The following TRIP12 variants were observed in gnomAD, a reference collection of about 807,000 sequenced individuals.
TRIP12 encodes the protein E3 ubiquitin-protein ligase TRIP12.
In TRIP12, 25 loss-of-function variants were observed where a neutral mutation model predicts 244.2. That is an observed-to-expected ratio of 0.10 (90% CI 0.07 to 0.14). The LOEUF (loss-of-function observed/expected upper bound fraction) is 0.14. Ranked by LOEUF, TRIP12 falls within the 10% of genes least tolerant of loss-of-function variation. TRIP12 has a pLI of 1.00. For missense variants in TRIP12, 1,677 were observed against 2,486.4 expected (o/e 0.67, Z 6.92); for synonymous variants, 905 against 873.1 (o/e 1.04, Z -0.64).
chr2:229,863,565 C>G (rs192828636), intron 2 of TRIP12, among the ~76,000 whole-genome samples: 1 of 152,086 alleles, frequency 6.6e-6, no homozygotes, highest in Non-Finnish European at 1.5e-5. Context: ...TCAGCCCATG[C>G]GCTATAGTTT....
chr2:229,779,051 A>T (rs899626353), intron 34 of TRIP12, 61 bp from the exon 35 acceptor site: 18 of 1,385,876 alleles, frequency 1.3e-5, no homozygotes, highest in Non-Finnish European at 1.8e-5. Context: ...TTTACTGCCA[A>T]CCTCTTGGAA....
chr2:229,814,071 T>C (rs765258259), intron 12 of TRIP12, 40 bp from the exon 13 acceptor site: 6 of 1,540,150 alleles, frequency 3.9e-6, no homozygotes, highest in Non-Finnish European at 5.3e-6. Context: ...AAAAATCCTT[T>C]ATCAGCAATA....
intron 11 of TRIP12, 72 bp downstream of exon 11, chr2:229,815,027 G>C (rs1470965497): frequency 1.2e-5 from 14 of 1,146,646 alleles, no homozygotes; most frequent in Non-Finnish European, 1.5e-5. Flanking sequence ...GAAAATGAAA[G>C]CTAAAATTCA....
At chr2:229,779,326 T>C (rs578232711) in intron 34 of TRIP12, among the ~76,000 whole-genome samples, 10 of 152,328 alleles carry the variant, frequency 6.6e-5, no homozygotes, top group Non-Finnish European at 8.8e-5. Flanking sequence ...TTCTCTTTAG[T>C]GAACTGTTAC....
intron 13 of TRIP12, among the ~76,000 whole-genome samples, chr2:229,812,186 G>A (rs2047422755): frequency 6.6e-6 from 1 of 152,092 alleles, no homozygotes; most frequent in African/African-American, 2.4e-5. Flanking sequence ...TGCCTCCCGA[G>A]ATCAAGCGAT....
intron 15 of TRIP12, among the ~76,000 whole-genome samples, chr2:229,809,889 T>C (rs2046844794): frequency 6.6e-6 from 1 of 152,198 alleles, no homozygotes; most frequent in Non-Finnish European, 1.5e-5. Flanking sequence ...ACTATACTGC[T>C]AAATATACTG....
At chr2:229,896,315 G>C (rs2068805377) in intron 1 of TRIP12, among the ~76,000 whole-genome samples, 3 of 152,052 alleles carry the variant, frequency 2.0e-5, no homozygotes, top group Admixed American at 2.0e-4. Flanking sequence ...AAACAGGCAG[G>C]CAGAGACTAG....
intron 2 of TRIP12, among the ~76,000 whole-genome samples, chr2:229,872,104 TAAAAAA>T (rs34496202): frequency 4.7e-5 from 5 of 105,264 alleles, no homozygotes; most frequent in African/African-American, 1.4e-4. Flanking sequence ...ACAGATATTG[TAAAAAA>T]AAAAAAAAAA....
intron 6 of TRIP12, among the ~76,000 whole-genome samples, chr2:229,835,242 G>A (rs1395919513): frequency 6.6e-6 from 1 of 152,120 alleles, no homozygotes; most frequent in Non-Finnish European, 1.5e-5. Flanking sequence ...TTTATCACCA[G>A]CTACAATACA....
chr2:229,920,295 G>C (rs2076252779), intron 1 of TRIP12, among the ~76,000 whole-genome samples: 6 of 152,122 alleles, frequency 3.9e-5, no homozygotes, highest in Admixed American at 3.9e-4. Flanking sequence ...CTCTCGAGAG[G>C]AACATAAAGT....
rs1470152026 is a variant in TRIP12 at position 229,791,872 on chromosome 2, G to T, written c.4409C>A (p.Thr1470Lys). 6.2e-7 allele frequency: 1 copy of T among 1,613,496 alleles called. No individual in the cohort carries two copies. Among genetic ancestry groups the T allele is most frequent in the African/African-American group, 1.3e-5 (1 of 74,884 alleles). ...AAAGAATTTTCAGACTTGCCATATT[G>T]TATGAGTCTTTGTCCAAATACCAGC... Reference protein sequence around the residue: ...GRAGIWTKTHTIWYKPVREDE... With the variant: ...GRAGIWTKTHKIWYKPVREDE... Residue 1470 changes from threonine to lysine, a missense_variant, in exon 29 of 42, where the codon ACA (threonine) becomes AAA (lysine). Around this residue, in one of 11 missense-constraint regions of TRIP12, gnomAD observed 265 missense variants for 370.8 expected, o/e 0.71. Transcript: ENST00000675903.
chr2:229,864,636 C>T lies in TRIP12; in HGVS notation c.99-4105G>A, dbSNP rs544947416. ...TCCTCTTTAATTGAAAGGTCTTTCC[C>T]CATTTTCAGTTTATACATTAGCACT... On this transcript the variant is annotated intron_variant, in intron 2 of 41. Transcript: ENST00000675903. 3.3e-5 allele frequency among the ~76,000 whole-genome samples: 5 copies of T among 152,118 alleles called. No homozygotes were observed. The East Asian group carries it at 7.7e-4, about 23-fold the overall frequency.
intron 2 of TRIP12, among the ~76,000 whole-genome samples, chr2:229,861,452 G>A (rs538512956): frequency 4.6e-4 from 70 of 152,220 alleles, no homozygotes; most frequent in African/African-American, 1.5e-3. Flanking sequence ...ATTCATAGCT[G>A]ATATCCACTT....
At chr2:229,891,089 G>A (rs2067236652) in intron 1 of TRIP12, among the ~76,000 whole-genome samples, 1 of 152,000 alleles carries the variant, frequency 6.6e-6, no homozygotes, top group South Asian at 2.1e-4. Flanking sequence ...AGACCAGTCT[G>A]GGCAATATAA....
At chr2:229,806,019 T>C in intron 17 of TRIP12, 136 bp from the exon 18 acceptor site, 1 of 667,116 alleles carries the variant, frequency 1.5e-6, no homozygotes, top group South Asian at 3.3e-5. Flanking sequence ...TAACAGAAGA[T>C]GGAATAATAG....
At chr2:229,849,925 TA>T in intron 4 of TRIP12, among the ~76,000 whole-genome samples, 2 of 108,684 alleles carry the variant, frequency 1.8e-5, no homozygotes, top group Non-Finnish European at 3.8e-5. Flanking sequence ...ATTTTTGGCA[TA>T]ATACACACCA....
chr2:229,896,871 G>C (rs1329214844), intron 1 of TRIP12, among the ~76,000 whole-genome samples: 1 of 152,096 alleles, frequency 6.6e-6, no homozygotes, highest in Non-Finnish European at 1.5e-5. Flanking sequence ...TTTTAGGGTG[G>C]TAAAAATTAC....
intron 4 of TRIP12, among the ~76,000 whole-genome samples, chr2:229,845,913 G>C (rs2057477060): frequency 6.6e-6 from 1 of 150,828 alleles, no homozygotes; most frequent in Admixed American, 6.6e-5. Context: ...TGTAGTCCCA[G>C]ATGCTCAGAA....
chr2:229,876,533 TACA>T (rs1427656653), intron 2 of TRIP12, among the ~76,000 whole-genome samples: 3 of 152,232 alleles, frequency 2.0e-5, no homozygotes, highest in African/African-American at 7.2e-5. Flanking sequence ...CTACATGAAC[TACA>T]ACAAGATTTG....
Sources: allele counts gnomAD v4.1 joint callset (sites outside exome capture counted in the v4.1 genomes callset), GRCh38; gene constraint gnomAD v4.1.1; regional missense constraint gnomAD v4.1.1; transcripts MANE v1.5; gene names NCBI Gene and HGNC (gene_info 2026-07-23, HGNC 2026-07-21).